ATP2B4: variants seen among roughly 807,000 people sequenced by gnomAD.
The protein encoded by ATP2B4 is plasma membrane calcium-transporting ATPase 4.
A neutral mutation model predicts 110.3 loss-of-function variants in ATP2B4; 39 were observed. The observed-to-expected ratio is 0.35, with a 90% CI of 0.27 to 0.46. The LOEUF (loss-of-function observed/expected upper bound fraction) is 0.46, where lower values mean the gene tolerates loss of function less well. Among genes scored for constraint, ATP2B4 ranks in the 20% least tolerant of loss-of-function variants. The pLI, the probability that ATP2B4 is intolerant of heterozygous loss-of-function variation, is 1.00. For missense variants in ATP2B4, 1,135 were observed against 1,530.9 expected (o/e 0.74, Z 4.32); for synonymous variants, 538 against 571.7 (o/e 0.94, Z 0.84).
rs1489413448 is a variant in ATP2B4 at position 203,699,619 on chromosome 1, T to C, written c.551T>C (p.Ile184Thr). The change falls in exon 4 of 21, where the codon ATT becomes ACT. Residue 184 changes from isoleucine to threonine, a missense_variant. By Grantham distance (89) the Ile-to-Thr change is moderately conservative. Coordinates refer to ENST00000357681, the MANE Select transcript of ATP2B4 (RefSeq NM_001684.5). ...EKQFRGLQCR[I>T]EQEQKFSIIR... is the part of the protein sequence containing the mutation. ...CAATTCCGGGGGCTGCAGTGCCGCA[T>C]TGAACAGGAGCAAAAGTTCTCCATC... 6.2e-7 allele frequency: 1 copy of C among 1,614,188 alleles called. No homozygotes were observed.
At chr1:203,676,759 A>G (rs1352712044) in intron 1 of ATP2B4, among the ~76,000 whole-genome samples, 4 of 142,664 alleles carry the variant, frequency 2.8e-5, no homozygotes, top group Admixed American at 2.8e-4. Context: ...CAGGAATTGG[A>G]TATGCTTGGA....
At chr1:203,671,246 GTGTA>G (rs1296625697) in intron 1 of ATP2B4, among the ~76,000 whole-genome samples, 2 of 152,192 alleles carry the variant, frequency 1.3e-5, no homozygotes, top group Non-Finnish European at 2.9e-5. Flanking sequence ...GCTCAGTTGT[GTGTA>G]TGTGAGTGTG....
chr1:203,692,869 C>G (rs1042263945), intron 2 of ATP2B4, among the ~76,000 whole-genome samples: 2 of 152,176 alleles, frequency 1.3e-5, no homozygotes, highest in Non-Finnish European at 2.9e-5. Flanking sequence ...GGGCAGGGGC[C>G]GTGCACCTCC....
intron 2 of ATP2B4, among the ~76,000 whole-genome samples, chr1:203,692,230 T>C (rs1247342319): frequency 6.6e-6 from 1 of 151,844 alleles, no homozygotes; most frequent in African/African-American, 2.4e-5. Flanking sequence ...CAGGCTGGAA[T>C]GTAGTGGCAA....
rs781691852 is a variant in ATP2B4 at position 203,702,044 on chromosome 1, G to T, written c.902G>T (p.Gly301Val). ...EDDEGEKKKKGKKQGVPENRN... is the reference protein window; with the variant it reads ...EDDEGEKKKKVKKQGVPENRN... ...ACTTTTTTCTTTCTTGTTCAAACAGGTAAAAAACAAGGAGTCCCTGAAAAT... is the reference window on the plus strand; with the variant it reads ...ACTTTTTTCTTTCTTGTTCAAACAGTTAAAAAACAAGGAGTCCCTGAAAAT... Residue 301 changes from glycine to valine, a missense_variant and splice_region_variant, in exon 7 of 21, where the codon GGT becomes GTT. This residue lies in a region of ATP2B4 where 162 missense variants were observed against 210.5 expected (regional missense o/e 0.77). Transcript: ENST00000357681. 4 of 1,613,850 alleles carry T rather than the reference G, an allele frequency of 2.5e-6. No homozygotes were observed. The African/African-American group carries it at 4.0e-5, about 16-fold the overall frequency.
At chr1:203,691,090 C>G (rs1665359686) in intron 2 of ATP2B4, among the ~76,000 whole-genome samples, 1 of 152,142 alleles carries the variant, frequency 6.6e-6, no homozygotes, top group Non-Finnish European at 1.5e-5. Flanking sequence ...ATAATGCTGT[C>G]CAGCTGGGGT....
intron 1 of ATP2B4, among the ~76,000 whole-genome samples, chr1:203,639,039 TCTC>T (rs776563943): frequency 1.1e-4 from 17 of 152,042 alleles, no homozygotes; most frequent in Non-Finnish European, 2.2e-4. Flanking sequence ...TGTGCAGAGA[TCTC>T]CTCCTGCCGG....
intron 1 of ATP2B4, among the ~76,000 whole-genome samples, chr1:203,658,122 C>A (rs1402030157): frequency 2.0e-5 from 3 of 151,872 alleles, no homozygotes; most frequent in East Asian, 1.9e-4. Context: ...ACTGAGAAAC[C>A]AAAACAATAA....
chr1:203,679,643 G>A (rs1229201112), intron 1 of ATP2B4, among the ~76,000 whole-genome samples: 2 of 152,088 alleles, frequency 1.3e-5, no homozygotes, highest in Non-Finnish European at 2.9e-5. Context: ...CTAGCACTTT[G>A]GGAGGCCGAG....
At chr1:203,689,358 C>G (rs4951073) in intron 2 of ATP2B4, among the ~76,000 whole-genome samples, 1 of 152,066 alleles carries the variant, frequency 6.6e-6, no homozygotes, top group African/African-American at 2.4e-5. Flanking sequence ...TCCTTAGCTA[C>G]GCTATCCTTT....
At chr1:203,631,995 T>G (rs1329451974) in intron 1 of ATP2B4, among the ~76,000 whole-genome samples, 1 of 152,064 alleles carries the variant, frequency 6.6e-6, no homozygotes, top group Non-Finnish European at 1.5e-5. Flanking sequence ...GGTTTCACCG[T>G]GTTGCCCAGG....
In ATP2B4 at chr1:203,723,258, C is replaced by CTT. The variant is rs538318448; in HGVS notation, c.3024+585_3024+586dup. On this transcript the variant is annotated intron_variant, in intron 18 of 20. Coordinates refer to ENST00000357681, the MANE Select transcript of ATP2B4 (RefSeq NM_001684.5). ...CTTTATTTGTCCCCATCCTCAATTC[C>CTT]TTTTTTTTTTTTTTTTTAATTTTAA... is the stretch of plus-strand genomic sequence containing the variant. 2.3e-3 allele frequency among the ~76,000 whole-genome samples: 316 copies of CTT among 138,606 alleles called. 1 individual carries two copies. The highest frequency in any genetic ancestry group is 1.5e-3 in the African/African-American group (58 of 37,778). The allele number at this position is 138,606 out of a possible 152,430, so 90.9% of individuals were successfully genotyped here.
intron 2 of ATP2B4, 74 bp from the exon 3 acceptor site, chr1:203,698,083 T>A: frequency 7.6e-7 from 1 of 1,323,378 alleles, no homozygotes; most frequent in Non-Finnish European, 1.1e-6. Flanking sequence ...CATGGCTCAC[T>A]GCCACTTCAA....
chr1:203,720,003 T>C (rs1013506550), intron 15 of ATP2B4, among the ~76,000 whole-genome samples: 3 of 152,086 alleles, frequency 2.0e-5, no homozygotes, highest in East Asian at 1.9e-4. Flanking sequence ...GCCCCAGATG[T>C]GGAGCTTGCA....
intron 15 of ATP2B4, among the ~76,000 whole-genome samples, chr1:203,719,225 G>GGAAAAAA (rs1666245546): frequency 7.4e-5 from 4 of 54,378 alleles, no homozygotes; most frequent in African/African-American, 3.0e-4. Flanking sequence ...ACCCTGTCTC[G>GGAAAAAA]AAAAAAAAAA....
At chr1:203,668,650 G>A (rs1664576403) in intron 1 of ATP2B4, among the ~76,000 whole-genome samples, 1 of 152,162 alleles carries the variant, frequency 6.6e-6, no homozygotes, top group South Asian at 2.1e-4. Flanking sequence ...CCCATCATCC[G>A]TGACCCCAGT....
At chr1:203,734,875 G>A (rs1666836822) in intron 20 of ATP2B4, among the ~76,000 whole-genome samples, 1 of 151,680 alleles carries the variant, frequency 6.6e-6, no homozygotes, top group Admixed American at 6.6e-5. Context: ...ATGGTGGCAC[G>A]TGCCTATAGT....
chr1:203,726,168 G>A (rs962306037), intron 19 of ATP2B4, among the ~76,000 whole-genome samples: 1 of 151,704 alleles, frequency 6.6e-6, no homozygotes, highest in African/African-American at 2.4e-5. Context: ...CCCGGGAGGC[G>A]GAGTGCAATG....
chr1:203,727,853 T>C, intron 20 of ATP2B4: 1 of 414,648 alleles, frequency 2.4e-6, no homozygotes, highest in Non-Finnish European at 4.4e-6. Context: ...CTCTATCAAA[T>C]GGGCAAGCTT....
Sources: gnomAD v4.1 joint callset for allele counts (sites outside exome capture counted in the v4.1 genomes callset) on GRCh38, gnomAD v4.1.1 for gene constraint, gnomAD v4.1.1 regional missense constraint, MANE v1.5 for transcripts, NCBI Gene and HGNC (gene_info 2026-07-23, HGNC 2026-07-21) for gene names.